The following KIAA2012 variants were observed in gnomAD, a reference collection of about 807,000 sequenced individuals.
KIAA2012 encodes the protein uncharacterized protein KIAA2012.
Under a neutral mutation model 150.6 loss-of-function variants are expected in KIAA2012, and 125 were observed. That is an observed-to-expected ratio of 0.83 (90% confidence interval 0.72 to 0.96). The LOEUF is 0.96. Among genes scored for constraint, KIAA2012 ranks in the 40% least tolerant of loss-of-function variants. KIAA2012 has a pLI of 0.00. For synonymous variants in KIAA2012, 462 were observed against 504.7 expected, an observed-to-expected ratio of 0.92 and a Z score of 1.13; for missense variants, 1,219 against 1,354.9, an observed-to-expected ratio of 0.90 and a Z score of 1.57.
At chr2:202,123,542 G>A (rs1057444143) in intron 11 of KIAA2012, among the ~76,000 whole-genome samples, 1 of 152,104 alleles carries the variant, frequency 6.6e-6, no homozygotes, top group Non-Finnish European at 1.5e-5. Flanking sequence ...GTGCGCACGT[G>A]ACCGTGTGTG....
At chr2:202,201,231 A>G (rs1303054744) in intron 22 of KIAA2012, among the ~76,000 whole-genome samples, 1 of 152,158 alleles carries the variant, frequency 6.6e-6, no homozygotes, top group Non-Finnish European at 1.5e-5. Context: ...TTAAATGTGA[A>G]AAGTGCCTGA....
chr2:202,204,221 C>T (rs1692593624), intron 23 of KIAA2012, among the ~76,000 whole-genome samples: 1 of 152,042 alleles, frequency 6.6e-6, no homozygotes, highest in South Asian at 2.1e-4. Flanking sequence ...AGACTATAGG[C>T]ACGTACCACC....
chr2:202,129,941 C>T (rs779685009), intron 12 of KIAA2012, among the ~76,000 whole-genome samples: 1 of 152,182 alleles, frequency 6.6e-6, no homozygotes, highest in Non-Finnish European at 1.5e-5. Context: ...GTGAGCCTAG[C>T]CAGCCTCGCA....
In KIAA2012 at chr2:202,150,021, C is replaced by G. The variant is rs1291052094; in HGVS notation, c.1909-4652C>G. Among the ~76,000 whole-genome samples, 4 of 152,122 alleles carry G rather than the reference C, an allele frequency of 2.6e-5. No homozygotes were observed. The South Asian group carries it at 8.3e-4, about 32-fold the overall frequency. Reference sequence around the variant, plus strand: ...ATGTGTGTAAGTCTAGATATTTGTACGGAACCAATAGCTCTCCCTTTTTTC... The same window carrying G: ...ATGTGTGTAAGTCTAGATATTTGTAGGGAACCAATAGCTCTCCCTTTTTTC... On this transcript the variant is annotated intron_variant, in intron 13 of 23. Coordinates refer to ENST00000498697, the MANE Select transcript of KIAA2012 (RefSeq NM_001277372.4).
At chr2:202,191,147 C>T (rs937357035) in intron 19 of KIAA2012, among the ~76,000 whole-genome samples, 1 of 152,092 alleles carries the variant, frequency 6.6e-6, no homozygotes, top group African/African-American at 2.4e-5. Flanking sequence ...CACAGTGGTG[C>T]ACGCCTGTAA....
intron 4 of KIAA2012, among the ~76,000 whole-genome samples, chr2:202,096,959 A>G (rs1311850269): frequency 1.3e-5 from 2 of 152,164 alleles, no homozygotes; most frequent in Non-Finnish European, 2.9e-5. Flanking sequence ...GCTTTTCCAC[A>G]AGTAAAGAGC....
intron 18 of KIAA2012, among the ~76,000 whole-genome samples, chr2:202,188,955 G>C (rs1692279211): frequency 6.6e-6 from 1 of 152,140 alleles, no homozygotes; most frequent in Non-Finnish European, 1.5e-5. Flanking sequence ...TGATTCAGAA[G>C]ACCCTCCAAA....
At chr2:202,102,150 C>T (rs1470341433) in intron 7 of KIAA2012, among the ~76,000 whole-genome samples, 1 of 151,224 alleles carries the variant, frequency 6.6e-6, no homozygotes, top group African/African-American at 2.4e-5. Flanking sequence ...TTACTACTAC[C>T]CCCAGTGAAT....
intron 19 of KIAA2012, among the ~76,000 whole-genome samples, chr2:202,191,402 G>A (rs925625654): frequency 1.6e-4 from 24 of 151,778 alleles, no homozygotes; most frequent in African/African-American, 5.6e-4. Flanking sequence ...CAATTCGGCC[G>A]GATGCAGTGG....
chr2:202,162,928 CAA>C (rs530486463), intron 14 of KIAA2012, among the ~76,000 whole-genome samples: 38,858 of 89,350 alleles, frequency 0.43, 5,295 homozygotes, highest in East Asian at 0.58. Context: ...GACTCCGTCT[CAA>C]AAAAAAAAAA....
intron 15 of KIAA2012, among the ~76,000 whole-genome samples, chr2:202,176,708 T>C (rs1363585811): frequency 6.6e-6 from 1 of 151,926 alleles, no homozygotes; most frequent in African/African-American, 2.4e-5. Flanking sequence ...AACAGGCAAC[T>C]AACAGAAGAA....
intron 15 of KIAA2012, among the ~76,000 whole-genome samples, chr2:202,184,212 C>T (rs1692179711): frequency 6.6e-6 from 1 of 151,986 alleles, no homozygotes. Flanking sequence ...GGTGAAACCC[C>T]ATCTCTACTA....
At chr2:202,141,798 C>A (rs996441638) in intron 13 of KIAA2012, among the ~76,000 whole-genome samples, 5 of 152,096 alleles carry the variant, frequency 3.3e-5, no homozygotes, top group African/African-American at 9.7e-5. Context: ...ACTGGAGAAG[C>A]TTTTCCTCTC....
chr2:202,198,174 CAAAAA>C (rs1009971980), intron 22 of KIAA2012, among the ~76,000 whole-genome samples: 2 of 67,136 alleles, frequency 3.0e-5, no homozygotes, highest in Non-Finnish European at 5.3e-5. Flanking sequence ...GGCTCTTTCT[CAAAAA>C]AAAAAAAAAA....
chr2:202,177,783 C>T (rs1308809629), intron 15 of KIAA2012, among the ~76,000 whole-genome samples: 1 of 152,214 alleles, frequency 6.6e-6, no homozygotes, highest in Non-Finnish European at 1.5e-5. Context: ...AACACTGCTG[C>T]ATTGAATATT....
At chr2:202,180,457 C>A (rs1692096207) in intron 15 of KIAA2012, among the ~76,000 whole-genome samples, 1 of 152,122 alleles carries the variant, frequency 6.6e-6, no homozygotes, top group Non-Finnish European at 1.5e-5. Context: ...TCCTGATAAA[C>A]TGCTAAACCC....
chr2:202,132,109 G>A (rs1440170578), intron 12 of KIAA2012, among the ~76,000 whole-genome samples: 1 of 152,172 alleles, frequency 6.6e-6, no homozygotes, highest in Non-Finnish European at 1.5e-5. Context: ...CCAGGAGGCA[G>A]AGTTTGTGGT....
chr2:202,081,233 T>C (rs778554241), intron 2 of KIAA2012, among the ~76,000 whole-genome samples: 1 of 152,266 alleles, frequency 6.6e-6, no homozygotes, highest in Non-Finnish European at 1.5e-5. Flanking sequence ...CACCACATCT[T>C]GTTTTTCCAT....
At chr2:202,157,682 C>T (rs538775189) in intron 14 of KIAA2012, among the ~76,000 whole-genome samples, 34 of 152,202 alleles carry the variant, frequency 2.2e-4, no homozygotes, top group Non-Finnish European at 2.1e-4. Context: ...AGTAACTTAC[C>T]GAATGTCACA....
Sources: gnomAD v4.1 joint callset for allele counts (sites outside exome capture counted in the v4.1 genomes callset) on GRCh38, gnomAD v4.1.1 for gene constraint, MANE v1.5 for transcripts, NCBI Gene and HGNC (gene_info 2026-07-23, HGNC 2026-07-21) for gene names.